MAGI1: variants seen among roughly 807,000 people sequenced by gnomAD.
The protein encoded by MAGI1 is membrane associated guanylate kinase, WW and PDZ domain containing 1, also known as membrane-associated guanylate kinase, WW and PDZ domain-containing protein 1.
Under a neutral mutation model 139.9 loss-of-function variants are expected in MAGI1, and 58 were observed. That is an observed-to-expected ratio of 0.41 (90% CI 0.34 to 0.52). The LOEUF (loss-of-function observed/expected upper bound fraction) is 0.52. Among genes scored for constraint, MAGI1 ranks in the 20% least tolerant of loss-of-function variants. The pLI, the probability that MAGI1 is intolerant of heterozygous loss-of-function variation, is 0.12. For missense variants in MAGI1, 1,874 were observed against 1,901.6 expected, an observed-to-expected ratio of 0.99 and a Z score of 0.27; for synonymous variants, 812 against 737.9, an observed-to-expected ratio of 1.10 and a Z score of -1.63.
At chr3:65,382,163 C>T (rs1265374865) in intron 15 of MAGI1, 94 bp from the exon 16 acceptor site, 5 of 1,093,584 alleles carry the variant, frequency 4.6e-6, no homozygotes, top group Non-Finnish European at 2.7e-6. Flanking sequence ...TTCATTCATT[C>T]ATGTCTGCAG....
intron 5 of MAGI1, among the ~76,000 whole-genome samples, chr3:65,462,905 T>C (rs1284420414): frequency 6.6e-6 from 1 of 152,206 alleles, no homozygotes; most frequent in Admixed American, 6.6e-5. Flanking sequence ...TCACTCATGA[T>C]TTGGCTCTCT....
intron 14 of MAGI1, among the ~76,000 whole-genome samples, chr3:65,388,886 G>A (rs2106963092): frequency 8.4e-6 from 1 of 119,342 alleles, no homozygotes; most frequent in East Asian, 2.8e-4. Flanking sequence ...CTGTCGCCCA[G>A]GCTGGAGTGC....
At chr3:65,882,824 ACTTGGGAGGCTG>A (rs1182109690) in intron 1 of MAGI1, among the ~76,000 whole-genome samples, 1 of 151,530 alleles carries the variant, frequency 6.6e-6, no homozygotes, top group African/African-American at 2.4e-5. Context: ...AGTCTCAGCT[ACTTGGGAGGCTG>A]AGGTGGGAGG....
chr3:65,731,662 TTA>T (rs745935991), intron 1 of MAGI1, among the ~76,000 whole-genome samples: 11,470 of 118,762 alleles, frequency 0.097, 556 homozygotes, highest in Non-Finnish European at 0.12. Flanking sequence ...CTCAAAAAAT[TTA>T]AAAAAAAAAA....
chr3:65,996,087 T>TG (rs112678489), intron 1 of MAGI1, among the ~76,000 whole-genome samples: 3,512 of 152,248 alleles, frequency 0.023, 111 homozygotes, highest in African/African-American at 0.074. Flanking sequence ...AACCTACAAA[T>TG]TAAATTGGAA....
chr3:65,648,811 T>C (rs923121927), intron 1 of MAGI1, among the ~76,000 whole-genome samples: 2 of 152,156 alleles, frequency 1.3e-5, no homozygotes, highest in African/African-American at 2.4e-5. Flanking sequence ...ACTTAATATA[T>C]AGCTACAATA....
intron 2 of MAGI1, chr3:65,532,875 C>T (rs75990682): frequency 0.018 from 2,711 of 152,436 alleles, 87 homozygotes; most frequent in African/African-American, 0.062. Context: ...TCCTTCTCAC[C>T]GGTCAAGTCT....
chr3:65,559,386 T>C (rs1172154673), intron 2 of MAGI1, among the ~76,000 whole-genome samples: 1 of 152,192 alleles, frequency 6.6e-6, no homozygotes, highest in Non-Finnish European at 1.5e-5. Flanking sequence ...TATCTGAAAA[T>C]TTCAGGGATA....
chr3:65,770,446 C>A (rs2037856201), intron 1 of MAGI1, among the ~76,000 whole-genome samples: 1 of 152,188 alleles, frequency 6.6e-6, no homozygotes, highest in Admixed American at 6.5e-5. Flanking sequence ...AGGAAACCCA[C>A]TGGCCAGCTC....
At chr3:65,912,590 G>A (rs1416266006) in intron 1 of MAGI1, among the ~76,000 whole-genome samples, 1 of 152,184 alleles carries the variant, frequency 6.6e-6, no homozygotes, top group Non-Finnish European at 1.5e-5. Context: ...AGGAAGACCA[G>A]CACCTGGAAA....
chr3:65,730,910 GT>G (rs5849687), intron 1 of MAGI1, among the ~76,000 whole-genome samples: 40,170 of 145,292 alleles, frequency 0.28, 6,357 homozygotes, highest in African/African-American at 0.46. Flanking sequence ...CGGGGTTTTT[GT>G]TTTTTTTTTT....
intron 1 of MAGI1, among the ~76,000 whole-genome samples, chr3:65,804,724 G>C (rs933087090): frequency 5.3e-5 from 8 of 152,040 alleles, no homozygotes; most frequent in East Asian, 1.9e-4. Flanking sequence ...GCATGGCACT[G>C]GTACCAAAAC....
At chr3:65,832,582 A>G (rs957624342) in intron 1 of MAGI1, among the ~76,000 whole-genome samples, 7 of 152,068 alleles carry the variant, frequency 4.6e-5, no homozygotes, top group Non-Finnish European at 7.3e-5. Context: ...TCTCTGTGCC[A>G]CAAAAGCACT....
intron 18 of MAGI1, 86 bp downstream of exon 18, chr3:65,375,659 C>T: frequency 8.6e-7 from 1 of 1,168,416 alleles, no homozygotes; most frequent in South Asian, 1.4e-5. Context: ...GAACACTAAT[C>T]AAAGAGAGAG....
intron 2 of MAGI1, among the ~76,000 whole-genome samples, chr3:65,575,918 G>C (rs573045878): frequency 1.3e-5 from 2 of 152,264 alleles, no homozygotes; most frequent in East Asian, 1.9e-4. Context: ...GGGTAGAGGA[G>C]AGTGATTATA....
chr3:65,384,539 A>G (rs1943296171), intron 14 of MAGI1, among the ~76,000 whole-genome samples: 1 of 152,298 alleles, frequency 6.6e-6, no homozygotes, highest in African/African-American at 2.4e-5. Flanking sequence ...CAGGCATTCA[A>G]GTCTGGGCAA....
chr3:65,906,145 G>C (rs1311292931), intron 1 of MAGI1, among the ~76,000 whole-genome samples: 1 of 152,152 alleles, frequency 6.6e-6, no homozygotes, highest in Non-Finnish European at 1.5e-5. Flanking sequence ...GGCACATCTT[G>C]AAAATGGTAG....
chr3:65,709,963 C>G (rs1194588710), intron 1 of MAGI1, among the ~76,000 whole-genome samples: 5 of 152,170 alleles, frequency 3.3e-5, no homozygotes, highest in African/African-American at 1.2e-4. Context: ...AAACCAGTGA[C>G]CTTACAATCA....
At chr3:65,579,435 C>T (rs2081319174) in intron 2 of MAGI1, among the ~76,000 whole-genome samples, 1 of 152,184 alleles carries the variant, frequency 6.6e-6, no homozygotes, top group Non-Finnish European at 1.5e-5. Flanking sequence ...ATACACCACA[C>T]TACACAAGTG....
Sources: allele counts gnomAD v4.1 joint callset (sites outside exome capture counted in the v4.1 genomes callset), GRCh38; gene constraint gnomAD v4.1.1; transcripts MANE v1.5; gene names NCBI Gene and HGNC (gene_info 2026-07-23, HGNC 2026-07-21).